Variants in CHST9 observed in about 807,000 individuals in gnomAD.
CHST9 encodes carbohydrate sulfotransferase 9.
Under a neutral mutation model 44.4 loss-of-function variants are expected in CHST9, and 41 were observed. The ratio of observed to expected loss-of-function variants is 0.92; its 90% CI spans 0.72 to 1.20. CHST9 has a LOEUF of 1.20. Ranked by LOEUF, CHST9 falls within the 50% of genes most tolerant of loss-of-function variation. CHST9 has a pLI of 0.00. For synonymous variants in CHST9, 171 were observed against 178.4 expected (o/e 0.96, Z 0.33); for missense variants, 504 against 516.5 (o/e 0.98, Z 0.23).
intron 1 of CHST9, among the ~76,000 whole-genome samples, chr18:27,153,263 G>A (rs1340060279): frequency 6.6e-6 from 1 of 152,058 alleles, no homozygotes; most frequent in African/African-American, 2.4e-5. Context: ...AGTTTCCTGT[G>A]GCAGCCATAA....
At chr18:27,014,068 T>C (rs562603796) in intron 4 of CHST9, among the ~76,000 whole-genome samples, 1 of 152,234 alleles carries the variant, frequency 6.6e-6, no homozygotes, top group African/African-American at 2.4e-5. Context: ...ATTCAAGAAC[T>C]CTGCAACCAG....
intron 1 of CHST9, among the ~76,000 whole-genome samples, chr18:27,184,770 C>A (rs979122261): frequency 2.6e-5 from 4 of 152,186 alleles, no homozygotes; most frequent in African/African-American, 9.6e-5. Context: ...CAAGAGGGGT[C>A]TGACCCCGGA....
At chr18:26,954,234 C>T (rs1352605397) in intron 4 of CHST9, among the ~76,000 whole-genome samples, 1 of 152,158 alleles carries the variant, frequency 6.6e-6, no homozygotes, top group Non-Finnish European at 1.5e-5. Flanking sequence ...TATGAAAAGG[C>T]ACAGGACGAG....
At chr18:27,141,742 T>TAA (rs35595422) in intron 2 of CHST9, among the ~76,000 whole-genome samples, 10 of 122,048 alleles carry the variant, frequency 8.2e-5, no homozygotes, top group Admixed American at 3.4e-4. Flanking sequence ...TAGAATAACT[T>TAA]AAAAAAAAAA....
In CHST9 at chr18:26,949,336, T is replaced by C. The variant is rs1238034249; in HGVS notation, c.203-4970A>G. Reference sequence around the variant, plus strand: ...TTTTATTAGGGAATCTGGCAGATGATAGCATTATTAAAGATACAATGAGAA... The same window carrying C: ...TTTTATTAGGGAATCTGGCAGATGACAGCATTATTAAAGATACAATGAGAA... On this transcript the variant is annotated intron_variant, in intron 4 of 5. Transcript: ENST00000618847. Among the ~76,000 whole-genome samples the C allele has an allele frequency of 2.6e-5, 4 of 151,992 alleles. 1 individual carries two copies. Among genetic ancestry groups the C allele is most frequent in the Admixed American group, 2.6e-4 (4 of 15,260 alleles).
chr18:27,011,106 G>A (rs2057078509), intron 4 of CHST9, among the ~76,000 whole-genome samples: 3 of 152,178 alleles, frequency 2.0e-5, no homozygotes, highest in Non-Finnish European at 2.9e-5. Context: ...GAAGCCACAG[G>A]AAGATTTATC....
At chr18:27,059,992 TCCCCC>T (rs2057702538) in intron 2 of CHST9, among the ~76,000 whole-genome samples, 1 of 152,192 alleles carries the variant, frequency 6.6e-6, no homozygotes, top group Admixed American at 6.5e-5. Context: ...GTAAAGACTA[TCCCCC>T]ATAAACTTGG....
chr18:27,153,439 C>A (rs866570369), intron 1 of CHST9, among the ~76,000 whole-genome samples: 2 of 151,732 alleles, frequency 1.3e-5, no homozygotes, highest in African/African-American at 4.8e-5. Flanking sequence ...TATGTGGTTG[C>A]GTAGATCTAG....
chr18:26,957,694 T>C (rs1284835063), intron 4 of CHST9, among the ~76,000 whole-genome samples: 3 of 152,186 alleles, frequency 2.0e-5, no homozygotes, highest in Non-Finnish European at 4.4e-5. Flanking sequence ...GGAGTTGTAG[T>C]TACCTATTTT....
At chr18:26,981,343 G>C (rs372476048) in intron 4 of CHST9, among the ~76,000 whole-genome samples, 107 of 152,268 alleles carry the variant, frequency 7.0e-4, no homozygotes, top group African/African-American at 2.6e-3. Flanking sequence ...TTACTCTTCA[G>C]GGTGAGGTAT....
intron 4 of CHST9, among the ~76,000 whole-genome samples, chr18:26,952,868 C>T (rs1274292948): frequency 1.3e-5 from 2 of 152,150 alleles, no homozygotes; most frequent in Middle Eastern, 3.4e-3. Context: ...TGCAGTGCCT[C>T]CTGAGAAGTG....
chr18:26,995,046 C>T (rs1239398423), intron 4 of CHST9, among the ~76,000 whole-genome samples: 1 of 151,750 alleles, frequency 6.6e-6, no homozygotes, highest in Admixed American at 6.6e-5. Flanking sequence ...CTTGGGCAAC[C>T]CTGCGGAGGG....
intron 2 of CHST9, among the ~76,000 whole-genome samples, chr18:27,079,757 G>A (rs73404844): frequency 0.015 from 2,326 of 152,270 alleles, 61 homozygotes; most frequent in African/African-American, 0.052. Flanking sequence ...GCTTCTGGAG[G>A]TTCGCAGGGA....
At chr18:27,019,689 CA>C (rs60043018) in intron 4 of CHST9, among the ~76,000 whole-genome samples, 3,637 of 91,254 alleles carry the variant, frequency 0.04, 69 homozygotes, top group African/African-American at 0.14. Context: ...CACTACATGG[CA>C]AAAAAAAAAA....
intron 1 of CHST9, among the ~76,000 whole-genome samples, chr18:27,149,388 G>T (rs984113074): frequency 3.3e-5 from 5 of 152,000 alleles, no homozygotes; most frequent in Non-Finnish European, 4.4e-5. Context: ...CTTTTTCATG[G>T]CTGCATAGTA....
intron 3 of CHST9, among the ~76,000 whole-genome samples, chr18:27,034,792 A>C (rs575050443): frequency 6.6e-6 from 1 of 152,336 alleles, no homozygotes; most frequent in East Asian, 1.9e-4. Context: ...GCCTGTCTAC[A>C]ACTCCTCAGA....
At chr18:27,024,305 G>T in intron 3 of CHST9, 148 bp from the exon 4 acceptor site, 1 of 645,510 alleles carries the variant, frequency 1.5e-6, no homozygotes, top group Admixed American at 3.1e-5. Context: ...GAAATAAAAT[G>T]TGTCATCCCC....
chr18:26,983,837 C>T (rs1266331290), intron 4 of CHST9, among the ~76,000 whole-genome samples: 1 of 152,120 alleles, frequency 6.6e-6, no homozygotes, highest in Non-Finnish European at 1.5e-5. Context: ...GTTATAAGTG[C>T]CTCATGAGTG....
intron 3 of CHST9, among the ~76,000 whole-genome samples, chr18:27,035,033 C>T (rs1315860237): frequency 2.0e-5 from 3 of 152,180 alleles, no homozygotes; most frequent in Non-Finnish European, 2.9e-5. Flanking sequence ...AATGGGATGG[C>T]TGGATGATAA....
Sources: gnomAD v4.1 joint callset for allele counts (sites outside exome capture counted in the v4.1 genomes callset) on GRCh38, gnomAD v4.1.1 for gene constraint, MANE v1.5 for transcripts, NCBI Gene and HGNC (gene_info 2026-07-23, HGNC 2026-07-21) for gene names.